ITFG1: variants seen among roughly 807,000 people sequenced by gnomAD.
ITFG1 encodes the protein integrin alpha FG-GAP repeat containing 1.
A neutral mutation model predicts 81.8 loss-of-function variants in ITFG1; 34 were observed. That is an observed-to-expected ratio of 0.42 (90% CI 0.32 to 0.55). The LOEUF is 0.55. Among genes scored for constraint, ITFG1 ranks in the 20% least tolerant of loss-of-function variants. The pLI, the probability that ITFG1 is intolerant of heterozygous loss-of-function variation, is 0.17. For missense variants in ITFG1, 672 were observed against 755.4 expected (o/e 0.89, Z 1.29); for synonymous variants, 285 against 270.6 (o/e 1.05, Z -0.52).
At chr16:47,238,913 T>C (rs1965903803) in intron 12 of ITFG1, among the ~76,000 whole-genome samples, 2 of 152,184 alleles carry the variant, frequency 1.3e-5, no homozygotes, top group Non-Finnish European at 2.9e-5. Flanking sequence ...CAAATTCATG[T>C]CTTGGAACCT....
chr16:47,351,265 CG>C, intron 8 of ITFG1, among the ~76,000 whole-genome samples: 2 of 152,162 alleles, frequency 1.3e-5, no homozygotes, highest in Non-Finnish European at 2.9e-5. Flanking sequence ...AAGAGGAAGT[CG>C]AATTGTCCCT....
intron 6 of ITFG1, among the ~76,000 whole-genome samples, chr16:47,379,805 ACTTAT>A (rs1596944443): frequency 1.3e-5 from 2 of 151,876 alleles, no homozygotes; most frequent in African/African-American, 4.8e-5. Flanking sequence ...CTTTTCCCCC[ACTTAT>A]CTTTTACTGC....
chr16:47,322,315 A>G (rs533101514), intron 8 of ITFG1, among the ~76,000 whole-genome samples: 2 of 152,262 alleles, frequency 1.3e-5, no homozygotes, highest in African/African-American at 2.4e-5. Context: ...TAGCTTTAAT[A>G]TAAGTTTTTG....
chr16:47,234,451 CAAG>C (rs1257453124), intron 13 of ITFG1, among the ~76,000 whole-genome samples: 15 of 151,860 alleles, frequency 9.9e-5, no homozygotes, highest in Non-Finnish European at 1.8e-4. Context: ...AGTAGGAATA[CAAG>C]AAGAAGAAAG....
At chr16:47,155,954 T>G (rs1181076299) in intron 17 of ITFG1, among the ~76,000 whole-genome samples, 176 bp from the exon 18 acceptor site, 2 of 152,234 alleles carry the variant, frequency 1.3e-5, no homozygotes, top group Non-Finnish European at 2.9e-5. Context: ...TATTTTATAA[T>G]TAATGATCTA....
chr16:47,369,222 T>C (rs1412617460), intron 7 of ITFG1, among the ~76,000 whole-genome samples: 1 of 152,192 alleles, frequency 6.6e-6, no homozygotes, highest in African/African-American at 2.4e-5. Flanking sequence ...ACATGATCAA[T>C]ACTGTTTTTC....
chr16:47,235,923 T>G (rs943316175), intron 13 of ITFG1, among the ~76,000 whole-genome samples: 1 of 152,160 alleles, frequency 6.6e-6, no homozygotes, highest in African/African-American at 2.4e-5. Flanking sequence ...CAGTAAAATA[T>G]CAGAGAGAAG....
intron 12 of ITFG1, among the ~76,000 whole-genome samples, chr16:47,244,163 G>A (rs1195024996): frequency 6.6e-6 from 1 of 152,188 alleles, no homozygotes; most frequent in Non-Finnish European, 1.5e-5. Flanking sequence ...CTTCCATCTG[G>A]ATGTTTGCCT....
intron 6 of ITFG1, among the ~76,000 whole-genome samples, chr16:47,388,550 T>C (rs1968491369): frequency 6.6e-6 from 1 of 152,104 alleles, no homozygotes; most frequent in South Asian, 2.1e-4. Context: ...TGGGATGACA[T>C]ACTCCAAATG....
intron 10 of ITFG1, among the ~76,000 whole-genome samples, chr16:47,297,647 T>C (rs903853042): frequency 6.6e-6 from 1 of 151,378 alleles, no homozygotes. Context: ...TTTTTTTTTT[T>C]CTCTTTAAGA....
chr16:47,419,357 C>A (rs1968912697), intron 6 of ITFG1, among the ~76,000 whole-genome samples: 1 of 152,082 alleles, frequency 6.6e-6, no homozygotes, highest in African/African-American at 2.4e-5. Flanking sequence ...CAGCCTCAAC[C>A]TCCCAAGCTC....
In ITFG1 at chr16:47,317,989, A is replaced by G. The variant is rs551727301; in HGVS notation, c.803-4166T>C. On this transcript the variant is annotated intron_variant, in intron 8 of 17. Coordinates refer to ENST00000320640, the MANE Select transcript of ITFG1 (RefSeq NM_030790.5). ...AACTTTTTTCTGTGAATGTCTTTAC[A>G]CTTGGTAACAGTATGTGGAGATTTT... is the stretch of plus-strand genomic sequence containing the variant. Among the ~76,000 whole-genome samples, 16 of 152,230 alleles carry G rather than the reference A, an allele frequency of 1.1e-4. No individual in the cohort carries two copies. In the South Asian group the frequency reaches 3.1e-3, roughly 30 times the overall value.
At chr16:47,318,045 C>T (rs1188449764) in intron 8 of ITFG1, among the ~76,000 whole-genome samples, 1 of 151,962 alleles carries the variant, frequency 6.6e-6, no homozygotes, top group Non-Finnish European at 1.5e-5. Context: ...AAATTAGGAA[C>T]AGTTAGATTT....
intron 14 of ITFG1, among the ~76,000 whole-genome samples, chr16:47,185,744 A>C (rs1210853287): frequency 6.6e-6 from 1 of 152,250 alleles, no homozygotes; most frequent in Non-Finnish European, 1.5e-5. Flanking sequence ...GCAGAAGGTA[A>C]GAAATAACTA....
At chr16:47,408,892 CT>C (rs1273306454) in intron 6 of ITFG1, among the ~76,000 whole-genome samples, 1 of 151,986 alleles carries the variant, frequency 6.6e-6, no homozygotes, top group African/African-American at 2.4e-5. Context: ...TGATCTATAC[CT>C]GTTGATTTTT....
intron 14 of ITFG1, among the ~76,000 whole-genome samples, chr16:47,212,319 T>G (rs1210164823): frequency 2.0e-5 from 3 of 152,194 alleles, no homozygotes; most frequent in Non-Finnish European, 4.4e-5. Context: ...GCTCAAGTGA[T>G]CCTCCCACTT....
At chr16:47,281,839 TTTG>T in intron 10 of ITFG1, among the ~76,000 whole-genome samples, 1 of 152,192 alleles carries the variant, frequency 6.6e-6, no homozygotes, top group Non-Finnish European at 1.5e-5. Flanking sequence ...TTGATTTGCC[TTTG>T]TTATTTTTCT....
intron 6 of ITFG1, among the ~76,000 whole-genome samples, chr16:47,421,334 T>A (rs1261559957): frequency 6.7e-6 from 1 of 148,894 alleles, no homozygotes; most frequent in Non-Finnish European, 1.5e-5. Context: ...TGAGATGGAG[T>A]CTCGTTCTGT....
intron 5 of ITFG1, among the ~76,000 whole-genome samples, chr16:47,436,857 A>C (rs1596983526): frequency 6.6e-6 from 1 of 152,182 alleles, no homozygotes; most frequent in African/African-American, 2.4e-5. Context: ...TTTGCTTCTC[A>C]ATTTTTGAGA....
Sources: gnomAD v4.1 joint callset for allele counts (sites outside exome capture counted in the v4.1 genomes callset) on GRCh38, gnomAD v4.1.1 for gene constraint, MANE v1.5 for transcripts, NCBI Gene and HGNC (gene_info 2026-07-23, HGNC 2026-07-21) for gene names.